SNX31: variants seen among roughly 807,000 people sequenced by gnomAD.
SNX31 encodes sorting nexin 31.
A neutral mutation model predicts 65.4 loss-of-function variants in SNX31; 58 were observed. The observed-to-expected ratio is 0.89, with a 90% CI of 0.72 to 1.10. The LOEUF is 1.10. Ranked by LOEUF, SNX31 falls within the 50% of genes least tolerant of loss-of-function variation. The pLI, the probability that SNX31 is intolerant of heterozygous loss-of-function variation, is 0.00. For synonymous variants in SNX31, 181 were observed against 190.1 expected, an observed-to-expected ratio of 0.95 and a Z score of 0.39; for missense variants, 523 against 529.7, an observed-to-expected ratio of 0.99 and a Z score of 0.12.
chr8:100,586,516 A>G (rs950509568), intron 11 of SNX31, among the ~76,000 whole-genome samples: 1 of 152,210 alleles, frequency 6.6e-6, no homozygotes, highest in Non-Finnish European at 1.5e-5. Flanking sequence ...TTGAAAAATC[A>G]TAGTAAAATT....
At chr8:100,635,755 TA>T in intron 3 of SNX31, 141 bp downstream of exon 3, 1 of 608,940 alleles carries the variant, frequency 1.6e-6, no homozygotes, top group Non-Finnish European at 2.8e-6. Flanking sequence ...GACAATATTC[TA>T]AAATTAGATT....
intron 11 of SNX31, among the ~76,000 whole-genome samples, chr8:100,585,696 G>A (rs1813980363): frequency 6.6e-6 from 1 of 152,138 alleles, no homozygotes; most frequent in Admixed American, 6.5e-5. Flanking sequence ...GTGCATATAT[G>A]AAACCTATGC....
Position 100,612,042 on chromosome 8 carries a change from C to A in SNX31, c.569G>T (p.Gly190Val). 1 of 1,614,110 alleles carries A rather than the reference C, an allele frequency of 6.2e-7. No homozygotes were observed. ...CTTACAGTTTTCCACCTCAGAACTT[C>A]CAAGACTAACATAAGGGAGTTCAAA... ...ADFELPYVSL[G>V]SSEVENCKVG... Residue 190 changes from glycine (G) to valine (V), a missense_variant, in exon 7 of 14, where the codon GGA (glycine) becomes GTA (valine). Physicochemically the swap from Gly to Val is moderately radical, Grantham distance 109. Coordinates refer to ENST00000311812, the MANE Select transcript of SNX31 (RefSeq NM_152628.4). The surrounding 1 kb of genome is among the most constrained non-coding windows in gnomAD (Gnocchi z 4.3).
In SNX31 at chr8:100,649,312, T is replaced by A; in HGVS notation, c.103A>T (p.Arg35Trp). Reference protein sequence around the residue: ...SVHLDGFLFCRVRYSQLHGWN... With the variant: ...SVHLDGFLFCWVRYSQLHGWN... Reference sequence around the variant, plus strand: ...CCGTGCAGCTGGCTGTAGCGCACCCTGCAGAAGAGGAACCCGTCCAGGTGC... The same window carrying A: ...CCGTGCAGCTGGCTGTAGCGCACCCAGCAGAAGAGGAACCCGTCCAGGTGC... Residue 35 changes from arginine to tryptophan, a missense_variant, in exon 2 of 14, where the codon AGG becomes TGG. Transcript: ENST00000311812. 6.2e-7 allele frequency: 1 copy of A among 1,614,070 alleles called. No individual in the cohort carries two copies. Among genetic ancestry groups the A allele is most frequent in the Non-Finnish European group, 8.5e-7 (1 of 1,179,944 alleles).
Position 100,626,283 on chromosome 8 carries a change from G to A in SNX31, c.321+4044C>T, listed in dbSNP as rs946808726. Among the ~76,000 whole-genome samples the A allele has an allele frequency of 6.4e-4, 98 of 152,264 alleles. No individual in the cohort carries two copies. Among genetic ancestry groups the A allele is most frequent in the African/African-American group, 1.8e-3 (74 of 41,546 alleles). On this transcript the variant is annotated intron_variant, in intron 4 of 13. Transcript: ENST00000311812. This position sits in a 1 kb window ranked among gnomAD's most constrained non-coding sequence, Gnocchi z 4.4. The stretch of plus-strand genomic sequence containing the variant: ...CTCTTCTCCCCATTTTACAGATGGG[G>A]AAACTGAGGTACAAAAAGCCTAAGT...
At chr8:100,603,250 C>T (rs576111778) in intron 8 of SNX31, among the ~76,000 whole-genome samples, 1 of 152,140 alleles carries the variant, frequency 6.6e-6, no homozygotes, top group African/African-American at 2.4e-5. Flanking sequence ...ATGGTAGAGC[C>T]CAGTAAGGGC....
chr8:100,573,984 G>C (rs1320812552), intron 13 of SNX31, 24 bp from the exon 14 acceptor site: 2 of 1,328,630 alleles, frequency 1.5e-6, no homozygotes, highest in Admixed American at 2.4e-5. Context: ...AGAGAGGTCA[G>C]AAATGTAAAT....
At chr8:100,580,499 T>C (rs1276377748) in intron 12 of SNX31, among the ~76,000 whole-genome samples, 1 of 152,206 alleles carries the variant, frequency 6.6e-6, no homozygotes, top group East Asian at 1.9e-4. Flanking sequence ...TGTGGGCCTG[T>C]GATGTGACTA....
intron 2 of SNX31, among the ~76,000 whole-genome samples, chr8:100,637,853 G>A (rs540480800): frequency 1.3e-5 from 2 of 151,986 alleles, no homozygotes; most frequent in East Asian, 1.9e-4. Flanking sequence ...GTGCCACCAC[G>A]CCCAGCTAAT....
At chr8:100,663,212 T>C (rs1809816525) in exon 1 of SNX31, 2 of 151,490 alleles carry the variant, frequency 1.3e-5, no homozygotes, top group Admixed American at 6.6e-5. Context: ...CCATGCAATA[T>C]ACTCCGTCTA....
At chr8:100,646,884 T>A (rs1463030009) in intron 2 of SNX31, among the ~76,000 whole-genome samples, 2 of 152,254 alleles carry the variant, frequency 1.3e-5, no homozygotes, top group African/African-American at 2.4e-5. Flanking sequence ...GAAATCACAT[T>A]AATGTAATAG....
chr8:100,634,256 C>T (rs1818597200), intron 3 of SNX31, among the ~76,000 whole-genome samples: 1 of 152,146 alleles, frequency 6.6e-6, no homozygotes, highest in South Asian at 2.1e-4. Flanking sequence ...AGCTGAATGT[C>T]CTTGGTGCCT....
Position 100,584,267 on chromosome 8 carries a change from G to A in SNX31, c.1093-79C>T, listed in dbSNP as rs375276634. 5.1e-4 allele frequency: 575 copies of A among 1,119,562 alleles called. 8 individuals carry two copies. In the South Asian group the frequency reaches 8.3e-3, roughly 16 times the overall value. The allele number at this position is 1,119,562 out of a possible 1,614,324, so 69.4% of individuals were successfully genotyped here. A position where few individuals can be genotyped will look rare whatever the true frequency, so the allele number is the denominator to read the frequency against. On this transcript the variant is annotated intron_variant, in intron 11 of 13. Transcript: ENST00000311812. Reference sequence around the variant, plus strand: ...TTCTTCCCTCCTCACACCACAAAGCGGATTTTGACTCTGCCCTCCAATAAC... The same window carrying A: ...TTCTTCCCTCCTCACACCACAAAGCAGATTTTGACTCTGCCCTCCAATAAC...
At chr8:100,661,541 AAT>A (rs146090526) in intron 1 of SNX31, among the ~76,000 whole-genome samples, 3 of 151,852 alleles carry the variant, frequency 2.0e-5, no homozygotes, top group African/African-American at 7.3e-5. Context: ...AATGATAGCT[AAT>A]ATATATATAT....
intron 10 of SNX31, among the ~76,000 whole-genome samples, chr8:100,595,776 C>T: frequency 6.6e-6 from 1 of 152,096 alleles, no homozygotes; most frequent in Non-Finnish European, 1.5e-5. Flanking sequence ...CTGTGAGACA[C>T]CTGGTTGAAG....
At chr8:100,606,120 C>T (rs1361705337) in intron 8 of SNX31, among the ~76,000 whole-genome samples, 7 of 152,030 alleles carry the variant, frequency 4.6e-5, no homozygotes, top group South Asian at 4.1e-4. Context: ...AAGTGACCTC[C>T]GCCTTCTGGG....
chr8:100,612,871 T>A lies in SNX31; in HGVS notation c.523+124A>T. 1 of 816,946 alleles carries A rather than the reference T, an allele frequency of 1.2e-6. No homozygotes were observed. The allele number at this position is 816,946 out of a possible 1,614,324, so 50.6% of individuals were successfully genotyped here. A position where few individuals can be genotyped will look rare whatever the true frequency, so the allele number is the denominator to read the frequency against. On this transcript the variant is annotated intron_variant, in intron 6 of 13. Transcript: ENST00000311812. This position sits in a 1 kb window ranked among gnomAD's most constrained non-coding sequence, Gnocchi z 4.3. ...TTCCCTAAACCCTTAACCCAGTGAC[T>A]GAGAACAGTGGTAGGGATCACAGCC...
Position 100,609,944 on chromosome 8 carries a change from G to A in SNX31, c.612-1381C>T, listed in dbSNP as rs994948604. ...TTAAGGACAGAGAAGTCCTTAAGAC[G>A]CCACTTAGGCCTCACTGAGGCTTCA... On this transcript the variant is annotated intron_variant, in intron 7 of 13. Coordinates refer to ENST00000311812, the MANE Select transcript of SNX31 (RefSeq NM_152628.4). The surrounding 1 kb of genome is among the most constrained non-coding windows in gnomAD (Gnocchi z 4.9). 5.3e-5 allele frequency among the ~76,000 whole-genome samples: 8 copies of A among 152,150 alleles called. No individual in the cohort carries two copies. Among genetic ancestry groups the A allele is most frequent in the Non-Finnish European group, 7.4e-5 (5 of 68,024 alleles).
At chr8:100,637,049 C>G (rs1461389302) in intron 2 of SNX31, among the ~76,000 whole-genome samples, 2 of 152,104 alleles carry the variant, frequency 1.3e-5, no homozygotes, top group African/African-American at 2.4e-5. Flanking sequence ...TTCTATTGGA[C>G]CAGTGCTGGT....
Sources: allele counts gnomAD v4.1 joint callset (sites outside exome capture counted in the v4.1 genomes callset), GRCh38; gene constraint gnomAD v4.1.1; non-coding constraint Gnocchi (gnomAD v3.1); transcripts MANE v1.5; gene names NCBI Gene and HGNC (gene_info 2026-07-23, HGNC 2026-07-21).